Variants in SEMA5A observed in about 807,000 individuals in gnomAD.
SEMA5A encodes semaphorin 5A.
SEMA5A carries 55 observed loss-of-function variants against 135.5 expected under a neutral mutation model. The ratio of observed to expected loss-of-function variants is 0.41; its 90% confidence interval spans 0.33 to 0.51. The LOEUF (loss-of-function observed/expected upper bound fraction) is 0.51. Ranked by LOEUF, SEMA5A falls within the 20% of genes least tolerant of loss-of-function variation. The pLI, the probability that SEMA5A is intolerant of heterozygous loss-of-function variation, is 0.37. For synonymous variants in SEMA5A, 580 were observed against 546.5 expected, an observed-to-expected ratio of 1.06 and a Z score of -0.85; for missense variants, 1,290 against 1,419.9, an observed-to-expected ratio of 0.91 and a Z score of 1.47.
rs1322349950 is a variant in SEMA5A at position 9,237,837 on chromosome 5, G to A, written c.324C>T (p.Gly108=). The A allele has an allele frequency of 1.2e-6, 2 of 1,613,338 alleles. No individual in the cohort carries two copies. The highest frequency in any genetic ancestry group is 1.7e-6 in the Non-Finnish European group (2 of 1,179,604). Residue 108 remains glycine, a synonymous_variant, in exon 6 of 23, where the codon GGC becomes GGT. Coordinates refer to ENST00000382496, the MANE Select transcript of SEMA5A (RefSeq NM_003966.3). ...ATTGCATTCTTCTTACCTTTGATTT[G>A]CCTTTGCTGTAACAGGCCTTTTTGG... The part of the protein sequence containing the change: ...EATKKACYSK[G]KSKEECQNYI...
chr5:9,398,507 C>G (rs1447151133), intron 2 of SEMA5A, among the ~76,000 whole-genome samples: 3 of 152,200 alleles, frequency 2.0e-5, no homozygotes, highest in Non-Finnish European at 2.9e-5. Context: ...AAGGTTATAG[C>G]AAGGGCCAGG....
chr5:9,257,482 A>G (rs1749137014), intron 5 of SEMA5A, among the ~76,000 whole-genome samples: 1 of 152,100 alleles, frequency 6.6e-6, no homozygotes, highest in Non-Finnish European at 1.5e-5. Flanking sequence ...ATGTCACTGA[A>G]AGTAGATCAA....
chr5:9,091,299 T>C (rs192572895), intron 16 of SEMA5A, among the ~76,000 whole-genome samples: 2 of 152,186 alleles, frequency 1.3e-5, no homozygotes, highest in Non-Finnish European at 2.9e-5. Flanking sequence ...AAATCAACGA[T>C]TTGTATCAGA....
rs946780120 is a variant in SEMA5A at position 9,304,201 on chromosome 5, T to C, written c.270+14171A>G. Reference sequence around the variant, plus strand: ...TCTTTGTTGTCTATATAATTTCCAATAGTATTTCCATTTTTCTTAGTGATA... The same window carrying C: ...TCTTTGTTGTCTATATAATTTCCAACAGTATTTCCATTTTTCTTAGTGATA... On this transcript the variant is annotated intron_variant, in intron 5 of 22. Transcript: ENST00000382496. 7.2e-5 allele frequency among the ~76,000 whole-genome samples: 11 copies of C among 152,258 alleles called. No individual in the cohort carries two copies. The East Asian group carries it at 2.1e-3, about 29-fold the overall frequency.
chr5:9,316,955 C>A (rs1274469087), intron 5 of SEMA5A, among the ~76,000 whole-genome samples: 1 of 152,122 alleles, frequency 6.6e-6, no homozygotes, highest in African/African-American at 2.4e-5. Flanking sequence ...TCCCTAACAC[C>A]TTCCCTGACC....
intron 4 of SEMA5A, among the ~76,000 whole-genome samples, chr5:9,336,839 C>A (rs924830734): frequency 2.0e-5 from 3 of 152,264 alleles, no homozygotes; most frequent in East Asian, 1.9e-4. Context: ...GGCAGGCATG[C>A]TTTATACTCT....
intron 5 of SEMA5A, among the ~76,000 whole-genome samples, chr5:9,272,259 C>T (rs79031948): frequency 0.014 from 2,184 of 152,110 alleles, 43 homozygotes; most frequent in Non-Finnish European, 0.024. Context: ...CTGGGAAGTT[C>T]GAACTGAGTG....
intron 1 of SEMA5A, among the ~76,000 whole-genome samples, chr5:9,439,187 C>A (rs1473653500): frequency 6.6e-6 from 1 of 152,192 alleles, no homozygotes; most frequent in Non-Finnish European, 1.5e-5. Flanking sequence ...GGTGCAGATG[C>A]AAATCCTTGA....
At chr5:9,529,062 G>A (rs1460572259) in intron 1 of SEMA5A, among the ~76,000 whole-genome samples, 1 of 152,214 alleles carries the variant, frequency 6.6e-6, no homozygotes, top group Non-Finnish European at 1.5e-5. Flanking sequence ...TTTCTATTCT[G>A]AACCCATGGT....
At chr5:9,233,794 C>T (rs887765860) in intron 6 of SEMA5A, among the ~76,000 whole-genome samples, 3 of 152,182 alleles carry the variant, frequency 2.0e-5, no homozygotes, top group Non-Finnish European at 4.4e-5. Context: ...ATCAGAACAG[C>T]AAGTGGGCAC....
intron 1 of SEMA5A, among the ~76,000 whole-genome samples, chr5:9,519,179 A>G (rs1402487956): frequency 6.6e-6 from 1 of 152,224 alleles, no homozygotes; most frequent in Non-Finnish European, 1.5e-5. Flanking sequence ...GTGTGGAAAT[A>G]AATGCCAATA....
Position 9,042,795 on chromosome 5 carries a change from T to G in SEMA5A, c.*102A>C. The G allele has an allele frequency of 7.0e-7, 1 of 1,428,674 alleles. No homozygotes were observed. Among genetic ancestry groups the G allele is most frequent in the South Asian group, 1.2e-5 (1 of 81,744 alleles). 88.5% of individuals were successfully genotyped at this position (1,428,674 alleles called of 1,614,324 possible). ...CTGGTGGCTTGAAATGCACTTGAAA[T>G]GTATCCAAACTTCGACTCTGAAGCC... is the stretch of plus-strand genomic sequence containing the variant. On this transcript the variant is annotated 3_prime_UTR_variant, in exon 23 of 23. Transcript: ENST00000382496.
intron 2 of SEMA5A, among the ~76,000 whole-genome samples, chr5:9,386,525 C>T (rs1282821388): frequency 6.6e-6 from 1 of 152,186 alleles, no homozygotes; most frequent in Non-Finnish European, 1.5e-5. Context: ...GTCACATCTG[C>T]ACCCTTGCTG....
At chr5:9,518,157 G>A (rs1736629340) in intron 1 of SEMA5A, 1 of 152,126 alleles carries the variant, frequency 6.6e-6, no homozygotes, top group Non-Finnish European at 1.5e-5. Flanking sequence ...AAGACATAAT[G>A]TGAGTGCTTT....
intron 5 of SEMA5A, among the ~76,000 whole-genome samples, chr5:9,258,545 C>T (rs1278554621): frequency 1.3e-5 from 2 of 152,182 alleles, no homozygotes; most frequent in Non-Finnish European, 2.9e-5. Flanking sequence ...TTGCCCTAAT[C>T]ACCCTTAGGT....
rs1415169595 is a variant in SEMA5A, at chr5:9,062,895, G to T, written c.2510C>A (p.Pro837His). 6.2e-7 allele frequency: 1 copy of T among 1,614,196 alleles called. No individual in the cohort carries two copies. The highest frequency in any genetic ancestry group is 1.3e-5 in the African/African-American group (1 of 75,032). ...SLEYQECNIL[P>H]CPVDGVWSCW... ...CTACACAATCCACTTACCTGGGCAGGGCAAAATGTTGCATTCCTGGTATTC... is the reference window on the plus strand; with the variant it reads ...CTACACAATCCACTTACCTGGGCAGTGCAAAATGTTGCATTCCTGGTATTC... The change falls in exon 18 of 23, where the codon CCC becomes CAC. Residue 837 changes from proline to histidine, a missense_variant. Transcript: ENST00000382496.
chr5:9,444,912 A>G (rs942566673), intron 1 of SEMA5A, among the ~76,000 whole-genome samples: 1 of 152,208 alleles, frequency 6.6e-6, no homozygotes, highest in Non-Finnish European at 1.5e-5. Flanking sequence ...ACAGACAAAC[A>G]GGTTCTGAAT....
At chr5:9,506,367 C>T (rs1337658584) in intron 1 of SEMA5A, among the ~76,000 whole-genome samples, 3 of 152,180 alleles carry the variant, frequency 2.0e-5, no homozygotes, top group Non-Finnish European at 2.9e-5. Context: ...TTCAGGGTGA[C>T]TCCCAAATTA....
chr5:9,232,123 G>C (rs1233940329), intron 6 of SEMA5A, among the ~76,000 whole-genome samples: 2 of 152,174 alleles, frequency 1.3e-5, no homozygotes, highest in African/African-American at 2.4e-5. Context: ...CCCCAGCAGA[G>C]AAAACATGTT....
Sources: allele counts gnomAD v4.1 joint callset (sites outside exome capture counted in the v4.1 genomes callset), GRCh38; gene constraint gnomAD v4.1.1; transcripts MANE v1.5; gene names NCBI Gene and HGNC (gene_info 2026-07-23, HGNC 2026-07-21).